The following ZNF385D variants were observed in gnomAD, a reference collection of about 807,000 sequenced individuals.
ZNF385D encodes the protein zinc finger protein 659.
A neutral mutation model predicts 35.8 loss-of-function variants in ZNF385D; 15 were observed. The ratio of observed to expected loss-of-function variants is 0.42; its 90% CI spans 0.28 to 0.64. The LOEUF (loss-of-function observed/expected upper bound fraction) is 0.64, where lower values mean the gene tolerates loss of function less well. Among genes scored for constraint, ZNF385D ranks in the 30% least tolerant of loss-of-function variants. The pLI is 0.23. For missense variants in ZNF385D, 474 were observed against 494.6 expected, an observed-to-expected ratio of 0.96 and a Z score of 0.39; for synonymous variants, 212 against 186.8, an observed-to-expected ratio of 1.13 and a Z score of -1.10.
At chr3:21,933,701 C>G (rs1376843674) in intron 3 of ZNF385D, among the ~76,000 whole-genome samples, 4 of 152,184 alleles carry the variant, frequency 2.6e-5, no homozygotes, top group African/African-American at 9.7e-5. Context: ...AAATATGACT[C>G]TACCGTTGAG....
chr3:21,514,730 G>A (rs937652268), intron 3 of ZNF385D, among the ~76,000 whole-genome samples: 3 of 151,902 alleles, frequency 2.0e-5, no homozygotes, highest in Non-Finnish European at 4.4e-5. Flanking sequence ...AGGCACATGA[G>A]AGCCCTGGAG....
chr3:22,319,680 C>T (rs1694308958), intron 2 of ZNF385D, among the ~76,000 whole-genome samples: 1 of 152,084 alleles, frequency 6.6e-6, no homozygotes, highest in Non-Finnish European at 1.5e-5. Flanking sequence ...AAAAGATGTC[C>T]TCCCAGGAAG....
intron 3 of ZNF385D, among the ~76,000 whole-genome samples, chr3:22,064,714 C>T (rs78349025): frequency 3.9e-5 from 6 of 152,036 alleles, no homozygotes; most frequent in African/African-American, 1.4e-4. Flanking sequence ...CATGATCTCA[C>T]GTATACATGG....
chr3:21,616,546 C>G (rs547427988), intron 2 of ZNF385D, among the ~76,000 whole-genome samples: 8 of 152,052 alleles, frequency 5.3e-5, no homozygotes, highest in Non-Finnish European at 1.2e-4. Flanking sequence ...CTGAAGTGAC[C>G]TCTACAAAAC....
intron 3 of ZNF385D, among the ~76,000 whole-genome samples, chr3:21,536,684 T>C (rs918343888): frequency 2.6e-5 from 4 of 152,060 alleles, no homozygotes; most frequent in African/African-American, 7.2e-5. Context: ...TACCTTCTAA[T>C]TGGAGTTGGG....
At chr3:22,087,837 A>G (rs1701126274) in intron 3 of ZNF385D, among the ~76,000 whole-genome samples, 1 of 152,222 alleles carries the variant, frequency 6.6e-6, no homozygotes, top group Admixed American at 6.5e-5. Flanking sequence ...AAAGCAGAGT[A>G]TAGGAATGAT....
At chr3:22,037,157 T>C (rs1467119532) in intron 3 of ZNF385D, among the ~76,000 whole-genome samples, 6 of 151,966 alleles carry the variant, frequency 3.9e-5, no homozygotes, top group Non-Finnish European at 8.8e-5. Flanking sequence ...TTGTGAATAG[T>C]GCCGCAATAA....
chr3:21,620,139 G>T (rs896292623), intron 2 of ZNF385D, among the ~76,000 whole-genome samples: 7 of 152,148 alleles, frequency 4.6e-5, no homozygotes, highest in Admixed American at 4.6e-4. Flanking sequence ...TTAGCATAAG[G>T]GAAAGTTATT....
intron 3 of ZNF385D, among the ~76,000 whole-genome samples, chr3:21,900,264 A>G (rs1028697389): frequency 3.3e-5 from 5 of 152,144 alleles, no homozygotes; most frequent in African/African-American, 9.7e-5. Context: ...TTATTTAGCA[A>G]ATTTAACTCT....
At chr3:21,779,996 A>G (rs1000342562) in intron 3 of ZNF385D, among the ~76,000 whole-genome samples, 7 of 151,976 alleles carry the variant, frequency 4.6e-5, no homozygotes, top group South Asian at 2.1e-4. Flanking sequence ...TGCTCACTGC[A>G]AAGAATAAAG....
chr3:21,614,387 T>C (rs929465985), intron 2 of ZNF385D, among the ~76,000 whole-genome samples: 1 of 152,206 alleles, frequency 6.6e-6, no homozygotes, highest in African/African-American at 2.4e-5. Flanking sequence ...CTCATTTCAA[T>C]TTAAATACCT....
At chr3:21,682,371 G>C (rs1160006914) in intron 1 of ZNF385D, among the ~76,000 whole-genome samples, 1 of 150,054 alleles carries the variant, frequency 6.7e-6, no homozygotes, top group Non-Finnish European at 1.5e-5. Flanking sequence ...AAAGCTAAAG[G>C]TACTGGCAAT....
chr3:21,621,887 G>GTT lies in ZNF385D; in HGVS notation c.165+42998_165+42999insAA, dbSNP rs547803221. On this transcript the variant is annotated intron_variant, in intron 2 of 7. Coordinates refer to ENST00000281523, the MANE Select transcript of ZNF385D (RefSeq NM_024697.3). ...CCACTGTGTGTGTGTGTGTGTGTGTGTGTGTGTGCGTGCACGCACGTGTGT... is the reference window on the plus strand; with the variant it reads ...CCACTGTGTGTGTGTGTGTGTGTGTGTTTGTGTGTGCGTGCACGCACGTGTGT... Among the ~76,000 whole-genome samples the GTT allele has an allele frequency of 7.6e-4, 116 of 151,844 alleles. 1 individual carries two copies. The highest frequency in any genetic ancestry group is 4.1e-3 in the South Asian group (20 of 4,826).
At chr3:21,561,141 G>A (rs569545370) in intron 3 of ZNF385D, among the ~76,000 whole-genome samples, 2 of 152,208 alleles carry the variant, frequency 1.3e-5, no homozygotes, top group East Asian at 1.9e-4. Context: ...GCCCCTTTCC[G>A]GGGGAGTGAA....
At chr3:21,627,073 A>G (rs1469122800) in intron 2 of ZNF385D, among the ~76,000 whole-genome samples, 1 of 151,592 alleles carries the variant, frequency 6.6e-6, no homozygotes, top group Non-Finnish European at 1.5e-5. Context: ...TCTCCTACAC[A>G]ACTAAATAAC....
intron 3 of ZNF385D, chr3:21,563,188 G>A (rs1233661403): frequency 6.6e-6 from 1 of 152,130 alleles, no homozygotes; most frequent in Non-Finnish European, 1.5e-5. Flanking sequence ...CTTCAAGGGA[G>A]CTCCTTTATC....
At chr3:21,827,727 A>T (rs1165837739) in intron 3 of ZNF385D, among the ~76,000 whole-genome samples, 1 of 152,236 alleles carries the variant, frequency 6.6e-6, no homozygotes, top group Admixed American at 6.5e-5. Flanking sequence ...TTACAAAAAG[A>T]GTAATTCTCT....
At chr3:21,426,830 T>C (rs1701047524) in intron 5 of ZNF385D, among the ~76,000 whole-genome samples, 1 of 152,116 alleles carries the variant, frequency 6.6e-6, no homozygotes, top group South Asian at 2.1e-4. Flanking sequence ...GGACAATAAA[T>C]AAATTAAACA....
At position 21,921,117 on chromosome 3, in the gene ZNF385D, G is replaced by A. The variant is rs1700437926; in HGVS notation, c.325+247700C>T. On this transcript the variant is annotated intron_variant, in intron 3 of 5. Coordinates refer to the ZNF385D transcript ENST00000494108. ...GGGCGCCTGTAGTCCCAGCTACTCGGGAGGCTGAGGCAGGAGAATGGTGTG... is the reference window on the plus strand; with the variant it reads ...GGGCGCCTGTAGTCCCAGCTACTCGAGAGGCTGAGGCAGGAGAATGGTGTG... Among the ~76,000 whole-genome samples the A allele has an allele frequency of 4.0e-5, 6 of 151,458 alleles. No homozygotes were observed. In the South Asian group the frequency reaches 1.3e-3, roughly 32 times the overall value.
Sources: allele counts gnomAD v4.1 joint callset (sites outside exome capture counted in the v4.1 genomes callset), GRCh38; gene constraint gnomAD v4.1.1; transcripts MANE v1.5; gene names NCBI Gene and HGNC (gene_info 2026-07-23, HGNC 2026-07-21).